TRPM3: variants seen among roughly 807,000 people sequenced by gnomAD.
TRPM3 encodes the protein transient receptor potential cation channel subfamily M member 3.
In TRPM3, 77 loss-of-function variants were observed where a neutral mutation model predicts 181.2. That is an observed-to-expected ratio of 0.42 (90% confidence interval 0.35 to 0.51). The LOEUF (loss-of-function observed/expected upper bound fraction) is 0.51, where lower values mean the gene tolerates loss of function less well. Ranked by LOEUF, TRPM3 falls within the 20% of genes least tolerant of loss-of-function variation. TRPM3 has a pLI of 0.01. For missense variants in TRPM3, 1,759 were observed against 2,196.7 expected (o/e 0.80, Z 3.98); for synonymous variants, 745 against 796.4 (o/e 0.94, Z 1.09).
chr9:71,240,488 A>G (rs1220633021), intron 1 of TRPM3, among the ~76,000 whole-genome samples: 3 of 152,184 alleles, frequency 2.0e-5, no homozygotes, highest in African/African-American at 7.2e-5. Context: ...AACAGGATAC[A>G]TTATTATTAC....
At chr9:71,134,592 C>T (rs74756378) in intron 1 of TRPM3, among the ~76,000 whole-genome samples, 3,922 of 146,980 alleles carry the variant, frequency 0.027, 160 homozygotes, top group African/African-American at 0.091. Context: ...TTCTCACAAA[C>T]ATTATCTCCA....
chr9:70,776,731 G>C (rs112125095), intron 7 of TRPM3, among the ~76,000 whole-genome samples: 2 of 152,266 alleles, frequency 1.3e-5, no homozygotes, highest in African/African-American at 4.8e-5. Context: ...AAGTCAACTG[G>C]GTTTCAAAGA....
intron 18 of TRPM3, 151 bp downstream of exon 18, chr9:70,615,757 A>T: frequency 1.3e-6 from 1 of 741,254 alleles, no homozygotes. Flanking sequence ...CCCTGGTCTC[A>T]ATACTGAAAT....
intron 1 of TRPM3, among the ~76,000 whole-genome samples, chr9:71,261,369 CT>C (rs1351688820): frequency 6.6e-6 from 1 of 152,118 alleles, no homozygotes; most frequent in African/African-American, 2.4e-5. Context: ...CATTTATGTT[CT>C]TCTTTAAACT....
At chr9:70,545,009 C>A (rs375521246) in intron 25 of TRPM3, among the ~76,000 whole-genome samples, 12 of 152,198 alleles carry the variant, frequency 7.9e-5, no homozygotes, top group East Asian at 1.9e-4. Context: ...CTCATATATG[C>A]CCCTCAATAA....
intron 1 of TRPM3, among the ~76,000 whole-genome samples, chr9:71,235,454 T>C (rs530025532): frequency 1.3e-5 from 2 of 152,364 alleles, no homozygotes; most frequent in East Asian, 3.9e-4. Context: ...CCCCAGTGCC[T>C]AGTACATACT....
chr9:70,630,052 C>G (rs1395474137), intron 12 of TRPM3, among the ~76,000 whole-genome samples: 30 of 152,168 alleles, frequency 2.0e-4, no homozygotes, highest in Admixed American at 1.6e-3. Context: ...GTGGATGTCA[C>G]AGATGATGCA....
intron 1 of TRPM3, among the ~76,000 whole-genome samples, chr9:71,053,231 A>G (rs1300500631): frequency 6.6e-6 from 1 of 151,994 alleles, no homozygotes; most frequent in Non-Finnish European, 1.5e-5. Flanking sequence ...TGAAGCCAGA[A>G]CCAGCCTGAC....
intron 6 of TRPM3, among the ~76,000 whole-genome samples, chr9:70,789,613 A>C (rs980951015): frequency 2.6e-5 from 4 of 152,214 alleles, no homozygotes; most frequent in African/African-American, 9.6e-5. Context: ...ACTTTCCATT[A>C]GAATTTTATT....
At position 70,616,094 on chromosome 9, in the gene TRPM3, T is replaced by C. The variant is rs752014214; in HGVS notation, c.2359-19A>G. The C allele has an allele frequency of 2.9e-5, 43 of 1,497,506 alleles. No homozygotes were observed. The highest frequency in any genetic ancestry group is 3.6e-5 in the Non-Finnish European group (40 of 1,112,892). 92.8% of individuals were successfully genotyped at this position (1,497,506 alleles called of 1,614,324 possible). On this transcript the variant is annotated intron_variant, in intron 17 of 25. Coordinates refer to ENST00000677713, the MANE Select transcript of TRPM3 (RefSeq NM_001366145.2). ...GAATTACCTAAAGTAATAATAATGATAATAATAATAATCACATTTAAAGGA... is the reference window on the plus strand; with the variant it reads ...GAATTACCTAAAGTAATAATAATGACAATAATAATAATCACATTTAAAGGA...
chr9:70,866,032 T>G (rs1005653469), intron 1 of TRPM3, among the ~76,000 whole-genome samples: 1 of 152,060 alleles, frequency 6.6e-6, no homozygotes. Flanking sequence ...TAGAAAAGGC[T>G]AGTGGCTACC....
In TRPM3 at chr9:70,895,207, T is replaced by C. The variant is rs12346937; in HGVS notation, c.178-30696A>G. Among the ~76,000 whole-genome samples the C allele has an allele frequency of 4.6e-3, 707 of 152,338 alleles. 2 individuals carry two copies. The highest frequency in any genetic ancestry group is 0.016 in the African/African-American group (663 of 41,578). On this transcript the variant is annotated intron_variant, in intron 1 of 25. Transcript: ENST00000677713. ...AGGCAGCGCTGCATTTTCTTTTCTTTACACAATTCTCAAATATACACAGCT... is the reference window on the plus strand; with the variant it reads ...AGGCAGCGCTGCATTTTCTTTTCTTCACACAATTCTCAAATATACACAGCT...
At chr9:71,369,567 G>A (rs540923018) in intron 1 of TRPM3, among the ~76,000 whole-genome samples, 9 of 152,216 alleles carry the variant, frequency 5.9e-5, no homozygotes, top group East Asian at 5.8e-4. Context: ...GCAGTGGCGC[G>A]ATCTCAGCTC....
At chr9:71,291,938 C>T (rs753099839) in intron 1 of TRPM3, among the ~76,000 whole-genome samples, 9 of 152,098 alleles carry the variant, frequency 5.9e-5, no homozygotes, top group Admixed American at 1.3e-4. Flanking sequence ...CAAATCTCAT[C>T]CTGTTTTAGA....
intron 1 of TRPM3, among the ~76,000 whole-genome samples, chr9:71,056,903 A>T (rs1424587369): frequency 6.6e-6 from 1 of 152,042 alleles, no homozygotes. Context: ...ACACTCTGGA[A>T]CTTGTTTGGT....
intron 1 of TRPM3, among the ~76,000 whole-genome samples, chr9:71,419,737 A>G (rs1300366566): frequency 6.6e-6 from 1 of 151,938 alleles, no homozygotes; most frequent in African/African-American, 2.4e-5. Flanking sequence ...TGTTATGCAC[A>G]TTTTACCACA....
chr9:71,026,060 G>A (rs916932152), intron 1 of TRPM3, among the ~76,000 whole-genome samples: 1 of 152,222 alleles, frequency 6.6e-6, no homozygotes, highest in Non-Finnish European at 1.5e-5. Flanking sequence ...TACTGGCAGG[G>A]AAAGTTGCCT....
intron 8 of TRPM3, among the ~76,000 whole-genome samples, chr9:70,695,941 C>G (rs1382766141): frequency 3.3e-5 from 5 of 152,168 alleles, no homozygotes; most frequent in Admixed American, 6.5e-5. Context: ...CCTTTAATGG[C>G]CTTTGATTTC....
chr9:70,676,607 G>A (rs2064068679), intron 9 of TRPM3, among the ~76,000 whole-genome samples: 1 of 152,178 alleles, frequency 6.6e-6, no homozygotes, highest in Non-Finnish European at 1.5e-5. Context: ...AGAGGAGCAG[G>A]TGGACAGAGG....
Sources: gnomAD v4.1 joint callset for allele counts (sites outside exome capture counted in the v4.1 genomes callset) on GRCh38, gnomAD v4.1.1 for gene constraint, MANE v1.5 for transcripts, NCBI Gene and HGNC (gene_info 2026-07-23, HGNC 2026-07-21) for gene names.